FAM237A: variants seen among roughly 807,000 people sequenced by gnomAD.
The protein encoded by FAM237A is family with sequence similarity 237 member A.
In FAM237A, 14 loss-of-function variants were observed where a neutral mutation model predicts 12.5. The observed-to-expected ratio is 1.12, with a 90% CI of 0.74 to 1.75. The LOEUF is 1.75. Among genes scored for constraint, FAM237A ranks in the 40% most tolerant of loss-of-function variants. The pLI, the probability that FAM237A is intolerant of heterozygous loss-of-function variation, is 0.00. For synonymous variants in FAM237A, 85 were observed against 77.5 expected (o/e 1.10, Z -0.51); for missense variants, 240 against 211.7 (o/e 1.13, Z -0.83).
Position 206,648,801 on chromosome 2 carries a change from C to T in FAM237A, c.*7C>T. ...GGAAATAAAGAGAAAATAAATTGAA[C>T]TCGGAGCTAATTCATGCCTTGGAAT... is the stretch of plus-strand genomic sequence containing the variant. On this transcript the variant is annotated 3_prime_UTR_variant, in exon 3 of 3. Coordinates refer to ENST00000441223, the MANE Select transcript of FAM237A (RefSeq NM_001102659.3). The T allele has an allele frequency of 1.3e-6, 2 of 1,526,106 alleles. No individual in the cohort carries two copies. The highest frequency in any genetic ancestry group is 1.8e-6 in the Non-Finnish European group (2 of 1,135,576). 94.5% of individuals were successfully genotyped at this position (1,526,106 alleles called of 1,614,324 possible).
At chr2:206,645,732 A>G (rs937801752) in intron 2 of FAM237A, among the ~76,000 whole-genome samples, 5 of 152,110 alleles carry the variant, frequency 3.3e-5, no homozygotes, top group African/African-American at 1.2e-4. Flanking sequence ...AATCCAAAAA[A>G]CCCAGATAAT....
At chr2:206,645,100 A>C (rs548191378) in intron 2 of FAM237A, among the ~76,000 whole-genome samples, 23 of 152,378 alleles carry the variant, frequency 1.5e-4, no homozygotes, top group Non-Finnish European at 2.9e-5. Flanking sequence ...TAAACTGAAA[A>C]TAAATATTGC....
chr2:206,648,230 AACAATCT>A (rs1699341553), intron 2 of FAM237A, among the ~76,000 whole-genome samples: 1 of 152,226 alleles, frequency 6.6e-6, no homozygotes, highest in Non-Finnish European at 1.5e-5. Context: ...GAAACCTGGA[AACAATCT>A]AAATGTCCCA....
chr2:206,644,378 CA>C lies in FAM237A; in HGVS notation c.143del (p.Gln48ArgfsTer29). 1 of 1,613,792 alleles carries C rather than the reference CA, an allele frequency of 6.2e-7. No homozygotes were observed. The highest frequency in any genetic ancestry group is 8.5e-7 in the Non-Finnish European group (1 of 1,179,790). On this transcript the variant is annotated frameshift_variant, in exon 2 of 3. Coordinates refer to ENST00000441223, the MANE Select transcript of FAM237A (RefSeq NM_001102659.3). LOFTEE classifies it high-confidence loss of function. ...GCTGGCTCTTAGCCAAGCTGATCCT[CA>C]GTGCTGGGAATCCTCCTCAGTGCTT... Reference protein sequence around the residue: ...DLLALSQADPQCWESSSVLLL... With the variant: ...DLLALSQADPXCWESSSVLLL...
intron 1 of FAM237A, 27 bp from the exon 2 acceptor site, chr2:206,644,200 G>A: frequency 6.5e-7 from 1 of 1,538,338 alleles, no homozygotes; most frequent in Non-Finnish European, 8.7e-7. Context: ...AGCGGGGACT[G>A]ATAAGAAATA....
chr2:206,643,642 T>A (rs1699280833), intron 1 of FAM237A, among the ~76,000 whole-genome samples: 1 of 152,238 alleles, frequency 6.6e-6, no homozygotes, highest in Non-Finnish European at 1.5e-5. Context: ...GATTCTACTC[T>A]AATTGGTTGA....
rs114355680 is a variant in FAM237A at position 206,642,890 on chromosome 2, C to G, written c.-11+308C>G. ...TCTGAAAACTTAGCTTAGACTTGTC[C>G]TTTAGGAAAACCACCCTTTGAGGTA... On this transcript the variant is annotated intron_variant, in intron 1 of 2. Transcript: ENST00000441223. This position sits in a 1 kb window ranked among gnomAD's most constrained non-coding sequence, Gnocchi z 5.1. Among the ~76,000 whole-genome samples the G allele has an allele frequency of 6.2e-3, 938 of 152,306 alleles. 9 individuals carry two copies. The highest frequency in any genetic ancestry group is 0.021 in the African/African-American group (882 of 41,558).
In FAM237A at chr2:206,644,550, G is replaced by A; in HGVS notation, c.314G>A (p.Cys105Tyr). The change falls in exon 2 of 3, where the codon TGT becomes TAT. Residue 105 changes from cysteine (C) to tyrosine (Y), a missense_variant. Coordinates refer to ENST00000441223, the MANE Select transcript of FAM237A (RefSeq NM_001102659.3). The part of the protein sequence containing the change: ...AQLFWDIYVD[C>Y]VLSRNHGLGR... ...CTCTTCTGGGACATCTATGTGGACT[G>A]TGTGCTCTCTAGGAACCATGGCTTA... 6.2e-7 allele frequency: 1 copy of A among 1,613,996 alleles called. No individual in the cohort carries two copies. Among genetic ancestry groups the A allele is most frequent in the South Asian group, 1.1e-5 (1 of 91,060 alleles).
intron 1 of FAM237A, chr2:206,643,302 A>T (rs1014284643): frequency 6.6e-6 from 1 of 152,210 alleles, no homozygotes; most frequent in Non-Finnish European, 1.5e-5. Context: ...AGCTGTTTAA[A>T]TGTGATACAC....
At chr2:206,643,512 C>T (rs1214976048) in intron 1 of FAM237A, 2 of 151,614 alleles carry the variant, frequency 1.3e-5, no homozygotes, top group African/African-American at 2.4e-5. Context: ...ATGAGAGTCA[C>T]GTTTTTTAAA....
In FAM237A at chr2:206,648,768, G is replaced by C; in HGVS notation, c.520G>C (p.Val174Leu). Residue 174 changes from valine to leucine, a missense_variant, in exon 3 of 3, where the codon GTG becomes CTG. Physicochemically the swap from Val to Leu is conservative, Grantham distance 32. Transcript: ENST00000441223. ...GAGTGGGTCTAGTGTCATTGGAAAA[G>C]TGAACCTGGAAATAAAGAGAAAATA... ...RRSGSSVIGKVNLEIKRK is the reference protein window; with the variant it reads ...RRSGSSVIGKLNLEIKRK The C allele has an allele frequency of 6.5e-7, 1 of 1,540,948 alleles. No homozygotes were observed. The highest frequency in any genetic ancestry group is 8.8e-7 in the Non-Finnish European group (1 of 1,142,202).
At chr2:206,645,056 G>A (rs994998124) in intron 2 of FAM237A, among the ~76,000 whole-genome samples, 15 of 152,184 alleles carry the variant, frequency 9.9e-5, no homozygotes, top group African/African-American at 3.4e-4. Context: ...ATAAGCTTAG[G>A]AAACATTTGC....
chr2:206,645,081 T>C (rs1333213414), intron 2 of FAM237A, among the ~76,000 whole-genome samples: 1 of 152,252 alleles, frequency 6.6e-6, no homozygotes, highest in Non-Finnish European at 1.5e-5. Flanking sequence ...CACAAATTCT[T>C]GCCCTTGTTA....
chr2:206,646,050 C>G (rs990698073), intron 2 of FAM237A, among the ~76,000 whole-genome samples: 3 of 152,054 alleles, frequency 2.0e-5, no homozygotes, highest in Non-Finnish European at 4.4e-5. Flanking sequence ...CGCCTGTAAT[C>G]CCAGCACTTT....
Position 206,648,847 on chromosome 2 carries a change from A to AT in FAM237A, c.*58dup, listed in dbSNP as rs34917367. ...GGAATTAAATATACATATATATAAC[A>AT]TTTTTCTTAACTATTGATTATTTAT... is the stretch of plus-strand genomic sequence containing the variant. On this transcript the variant is annotated 3_prime_UTR_variant, in exon 3 of 3. Coordinates refer to ENST00000441223, the MANE Select transcript of FAM237A (RefSeq NM_001102659.3). 3,009 of 1,299,134 alleles carry AT rather than the reference A, an allele frequency of 2.3e-3. 61 individuals carry two copies. The African/African-American group carries it at 0.041, about 18-fold the overall frequency. The allele number at this position is 1,299,134 out of a possible 1,614,324, so 80.5% of individuals were successfully genotyped here.
intron 2 of FAM237A, among the ~76,000 whole-genome samples, chr2:206,647,482 T>C (rs1456824145): frequency 5.3e-5 from 8 of 152,258 alleles, no homozygotes; most frequent in South Asian, 2.1e-4. Context: ...ATCATTGTTA[T>C]TTAGTCTAGA....
chr2:206,645,820 A>G (rs1699310587), intron 2 of FAM237A, among the ~76,000 whole-genome samples: 1 of 152,218 alleles, frequency 6.6e-6, no homozygotes, highest in Non-Finnish European at 1.5e-5. Context: ...TTTTTAGAGG[A>G]AATATTCTTT....
At position 206,644,246 on chromosome 2, in the gene FAM237A, C is replaced by G; in HGVS notation, c.10C>G (p.Pro4Ala). 1 of 1,600,126 alleles carries G rather than the reference C, an allele frequency of 6.2e-7. No individual in the cohort carries two copies. Among genetic ancestry groups the G allele is most frequent in the East Asian group, 2.2e-5 (1 of 44,798 alleles). Residue 4 changes from proline to alanine, a missense_variant, in exon 2 of 3, where the codon CCT becomes GCT. By Grantham distance (27) the Pro-to-Ala change is conservative (BLOSUM62 -1). Coordinates refer to ENST00000441223, the MANE Select transcript of FAM237A (RefSeq NM_001102659.3). MAD[P>A]GNRGGIHRPL... ...GTGCAGTTTTAGGGCCATGGCTGATCCTGGGAACAGAGGAGGGATCCACCG... is the reference window on the plus strand; with the variant it reads ...GTGCAGTTTTAGGGCCATGGCTGATGCTGGGAACAGAGGAGGGATCCACCG...
intron 1 of FAM237A, among the ~76,000 whole-genome samples, 196 bp from the exon 2 acceptor site, chr2:206,644,031 G>T (rs1699285932): frequency 1.3e-5 from 2 of 152,164 alleles, no homozygotes; most frequent in African/African-American, 4.8e-5. Flanking sequence ...TTGGATTTAT[G>T]TTCACTCCCT....
Sources: allele counts gnomAD v4.1 joint callset (sites outside exome capture counted in the v4.1 genomes callset), GRCh38; gene constraint gnomAD v4.1.1; non-coding constraint Gnocchi (gnomAD v3.1); transcripts MANE v1.5; gene names NCBI Gene and HGNC (gene_info 2026-07-23, HGNC 2026-07-21).